Variants in C10orf90 observed in about 807,000 individuals in gnomAD.
C10orf90 encodes (E2-independent) E3 ubiquitin-conjugating enzyme FATS.
A neutral mutation model predicts 62.5 loss-of-function variants in C10orf90; 56 were observed. That is an observed-to-expected ratio of 0.90 (90% CI 0.72 to 1.12). The LOEUF (loss-of-function observed/expected upper bound fraction) is 1.12. Among genes scored for constraint, C10orf90 ranks in the 50% most tolerant of loss-of-function variants. The pLI, the probability that C10orf90 is intolerant of heterozygous loss-of-function variation, is 0.00. For synonymous variants in C10orf90, 386 were observed against 340.4 expected, an observed-to-expected ratio of 1.13 and a Z score of -1.47; for missense variants, 970 against 880.4, an observed-to-expected ratio of 1.10 and a Z score of -1.29.
intron 1 of C10orf90, among the ~76,000 whole-genome samples, chr10:126,651,670 CAG>C (rs1846293988): frequency 6.6e-6 from 1 of 152,216 alleles, no homozygotes; most frequent in South Asian, 2.1e-4. Context: ...GAGAATTTCC[CAG>C]AGTCTATACA....
intron 2 of C10orf90, among the ~76,000 whole-genome samples, chr10:126,600,161 TATCGCATGTGTGTGCACACGTGTGTGTGC>T (rs1012265445): frequency 1.3e-5 from 2 of 151,866 alleles, no homozygotes; most frequent in African/African-American, 4.8e-5. Context: ...AGTGTGTGCG[TATCGCATGTGTGTGCACACGTGTGTGTGC>T]ATCGCATGTG....
At chr10:126,527,333 G>GTGC (rs1317810895) in intron 2 of C10orf90, among the ~76,000 whole-genome samples, 1 of 151,872 alleles carries the variant, frequency 6.6e-6, no homozygotes, top group Admixed American at 6.5e-5. Context: ...ATCTTTTCAT[G>GTGC]TGCTTATTGG....
At chr10:126,505,317 T>C (rs908322570) in intron 3 of C10orf90, among the ~76,000 whole-genome samples, 1 of 152,118 alleles carries the variant, frequency 6.6e-6, no homozygotes, top group East Asian at 1.9e-4. Flanking sequence ...CATGAATTGG[T>C]TTTCTCTGCT....
At chr10:126,443,262 C>T (rs553198718) in intron 7 of C10orf90, among the ~76,000 whole-genome samples, 3 of 152,048 alleles carry the variant, frequency 2.0e-5, no homozygotes, top group East Asian at 3.9e-4. Context: ...AATTGATAGA[C>T]CATTAGCAAG....
chr10:126,555,680 G>GTAAGTAAATAAA (rs372518236), intron 2 of C10orf90, among the ~76,000 whole-genome samples: 1 of 136,444 alleles, frequency 7.3e-6, no homozygotes, highest in Non-Finnish European at 1.6e-5. Flanking sequence ...CTCTATCTCA[G>GTAAGTAAATAAA]TAAATAAATA....
At chr10:126,586,583 T>C (rs765027277) in intron 2 of C10orf90, among the ~76,000 whole-genome samples, 8 of 152,112 alleles carry the variant, frequency 5.3e-5, no homozygotes, top group Non-Finnish European at 1.0e-4. Flanking sequence ...TTCTGGAAAG[T>C]CTTAACTTTC....
intron 2 of C10orf90, among the ~76,000 whole-genome samples, chr10:126,561,604 A>G (rs1463452745): frequency 6.6e-6 from 1 of 152,214 alleles, no homozygotes; most frequent in Non-Finnish European, 1.5e-5. Context: ...CAGGAGCCAC[A>G]GAAAGTCCGC....
intron 7 of C10orf90, among the ~76,000 whole-genome samples, chr10:126,432,502 T>C (rs1198098533): frequency 6.6e-6 from 1 of 152,172 alleles, no homozygotes; most frequent in African/African-American, 2.4e-5. Context: ...ATCCGGCAAA[T>C]GCTCTGGTGA....
intron 1 of C10orf90, among the ~76,000 whole-genome samples, chr10:126,658,853 A>G (rs1287970532): frequency 1.3e-5 from 2 of 152,140 alleles, no homozygotes; most frequent in African/African-American, 2.4e-5. Flanking sequence ...TCAGCCTCCC[A>G]AAATGCTGAG....
At chr10:126,541,136 C>A (rs1864365941) in intron 2 of C10orf90, among the ~76,000 whole-genome samples, 2 of 151,658 alleles carry the variant, frequency 1.3e-5, no homozygotes, top group Admixed American at 1.3e-4. Context: ...GTATTACACA[C>A]AAAAAATAAG....
At chr10:126,655,559 C>A (rs1846376329) in intron 1 of C10orf90, among the ~76,000 whole-genome samples, 1 of 152,132 alleles carries the variant, frequency 6.6e-6, no homozygotes. Flanking sequence ...ATAGAATGAG[C>A]TGTACTTGAC....
At chr10:126,538,037 T>C (rs972193599) in intron 2 of C10orf90, among the ~76,000 whole-genome samples, 9 of 152,160 alleles carry the variant, frequency 5.9e-5, no homozygotes, top group African/African-American at 2.2e-4. Flanking sequence ...CTCACACTGC[T>C]AATAAAGATA....
At chr10:126,659,451 A>T (rs1287082149) in intron 1 of C10orf90, among the ~76,000 whole-genome samples, 1 of 152,164 alleles carries the variant, frequency 6.6e-6, no homozygotes, top group East Asian at 1.9e-4. Context: ...ATTAGACATA[A>T]AATAGCAAGC....
chr10:126,540,994 A>G (rs1449755666), intron 2 of C10orf90, among the ~76,000 whole-genome samples: 1 of 152,178 alleles, frequency 6.6e-6, no homozygotes, highest in East Asian at 1.9e-4. Flanking sequence ...ATAAATATAA[A>G]AAAGTGAAAT....
chr10:126,668,009 T>C (rs1225882513), intron 1 of C10orf90, among the ~76,000 whole-genome samples: 1 of 152,118 alleles, frequency 6.6e-6, no homozygotes, highest in African/African-American at 2.4e-5. Flanking sequence ...GAAGTCTATG[T>C]AAAGGTATGC....
intron 2 of C10orf90, among the ~76,000 whole-genome samples, chr10:126,622,597 C>T (rs140875853): frequency 6.6e-6 from 1 of 152,202 alleles, no homozygotes; most frequent in East Asian, 1.9e-4. Flanking sequence ...AGTTTCTGGC[C>T]TCAACTGTCA....
intron 2 of C10orf90, among the ~76,000 whole-genome samples, chr10:126,586,570 T>A (rs578002220): frequency 3.9e-5 from 6 of 152,128 alleles, no homozygotes; most frequent in Non-Finnish European, 8.8e-5. Context: ...TACATCCTTT[T>A]CTTTCTGGAA....
intron 1 of C10orf90, among the ~76,000 whole-genome samples, chr10:126,650,590 T>C (rs559287678): frequency 6.6e-6 from 1 of 152,262 alleles, no homozygotes; most frequent in South Asian, 2.1e-4. Context: ...ACCCATGCTA[T>C]TAGAATCAGT....
At chr10:126,522,320 C>T (rs953605388) in intron 2 of C10orf90, among the ~76,000 whole-genome samples, 8 of 152,122 alleles carry the variant, frequency 5.3e-5, no homozygotes, top group African/African-American at 1.7e-4. Flanking sequence ...AGATGAATCA[C>T]AACTACAGGG....
Sources: gnomAD v4.1 joint callset for allele counts (sites outside exome capture counted in the v4.1 genomes callset) on GRCh38, gnomAD v4.1.1 for gene constraint, MANE v1.5 for transcripts, NCBI Gene and HGNC (gene_info 2026-07-23, HGNC 2026-07-21) for gene names.